Variants in DOT1L observed in about 807,000 individuals in gnomAD.
The protein encoded by DOT1L is histone-lysine N-methyltransferase, H3 lysine-79 specific.
In DOT1L, 33 loss-of-function variants were observed where a neutral mutation model predicts 153.3. That is an observed-to-expected ratio of 0.22 (90% CI 0.16 to 0.29). The LOEUF (loss-of-function observed/expected upper bound fraction) is 0.29. Among genes scored for constraint, DOT1L ranks in the 10% least tolerant of loss-of-function variants. The pLI, the probability that DOT1L is intolerant of heterozygous loss-of-function variation, is 1.00. For synonymous variants in DOT1L, 1,135 were observed against 965.1 expected (o/e 1.18, Z -3.26); for missense variants, 1,847 against 2,119.9 (o/e 0.87, Z 2.53).
At position 2,196,731 on chromosome 19, in the gene DOT1L, C is replaced by T. The variant is rs185863687; in HGVS notation, c.651+2154C>T. Among the ~76,000 whole-genome samples the T allele has an allele frequency of 8.1e-3, 1,240 of 152,272 alleles. 12 individuals carry two copies. The highest frequency in any genetic ancestry group is 0.01 in the Non-Finnish European group (695 of 68,014). ...GCCTTTCCTCTCCCTTTCCCGTACC[C>T]TCGTGCTGGCCGGCGCTGGCATTTC... On this transcript the variant is annotated intron_variant, in intron 7 of 27. Coordinates refer to ENST00000398665, the MANE Select transcript of DOT1L (RefSeq NM_032482.3).
At position 2,223,376 on chromosome 19, in the gene DOT1L, G is replaced by GC. The variant is rs2144912492; in HGVS notation, c.3492dup (p.Val1165ArgfsTer28). ...CTGTGCCCTACCAGGACCACGACCA[G>GC]CCCCCCGTGCTCAAGAAGGAGCGGC... On this transcript the variant is annotated frameshift_variant, in exon 25 of 28. Coordinates refer to ENST00000398665, the MANE Select transcript of DOT1L (RefSeq NM_032482.3). LOFTEE classifies it high-confidence loss of function. 4 of 1,613,696 alleles carry GC rather than the reference G, an allele frequency of 2.5e-6. No homozygotes were observed.
At chr19:2,209,558 C>T (rs1003883318) in intron 12 of DOT1L, among the ~76,000 whole-genome samples, 5 of 152,188 alleles carry the variant, frequency 3.3e-5, no homozygotes, top group South Asian at 2.1e-4. Context: ...GCTGCACCGT[C>T]GGAGGCAGGG....
At chr19:2,178,069 C>T (rs547128350) in intron 1 of DOT1L, among the ~76,000 whole-genome samples, 59 of 151,758 alleles carry the variant, frequency 3.9e-4, no homozygotes, top group African/African-American at 1.3e-3. Flanking sequence ...ATTACAGGCA[C>T]GCACCACCAT....
In DOT1L at chr19:2,232,084, G is replaced by A. The variant is rs1558118; in HGVS notation, c.*2292G>A. On this transcript the variant is annotated 3_prime_UTR_variant, in exon 28 of 28. Transcript: ENST00000398665. ...GTGGCAGGGTGGCTGTGGAGACTGG[G>A]GATCTGGAGCCTGGTGCTGGCACCT... The A allele has an allele frequency of 4.3e-4, 93 of 214,922 alleles. No homozygotes were observed. Among genetic ancestry groups the A allele is most frequent in the South Asian group, 1.5e-3 (8 of 5,392 alleles). The allele number at this position is 214,922 out of a possible 1,614,324, so 13.3% of individuals were successfully genotyped here.
intron 3 of DOT1L, among the ~76,000 whole-genome samples, chr19:2,188,761 TG>T (rs1568338829): frequency 6.6e-6 from 1 of 152,162 alleles, no homozygotes; most frequent in Admixed American, 6.5e-5. Context: ...ATTTTGCCAG[TG>T]GGTCCAACAG....
chr19:2,177,671 G>A (rs1436648251), intron 1 of DOT1L, among the ~76,000 whole-genome samples: 3 of 152,216 alleles, frequency 2.0e-5, no homozygotes, highest in African/African-American at 4.8e-5. Context: ...CACTTTGTCC[G>A]GGGCCTGCAA....
At chr19:2,223,250 A>AT (rs1568368750) in intron 24 of DOT1L, 31 bp from the exon 25 acceptor site, 2 of 1,610,432 alleles carry the variant, frequency 1.2e-6, no homozygotes, top group African/African-American at 2.7e-5. Flanking sequence ...GGTCTGTGGT[A>AT]TGTGCATCCA....
At chr19:2,180,884 G>A in intron 2 of DOT1L, 128 bp downstream of exon 2, 2 of 1,108,538 alleles carry the variant, frequency 1.8e-6, no homozygotes, top group Non-Finnish European at 2.6e-6. Context: ...TTGTGAAGCG[G>A]ATCAGGGGTG....
chr19:2,220,692 T>C lies in DOT1L; in HGVS notation c.2806+470T>C, dbSNP rs543789143. ...AGTTTCTGCAGAGAGCCAGAGAGGA[T>C]GCCACTTTGGCTTTTGTTGACACTG... is the stretch of plus-strand genomic sequence containing the variant. On this transcript the variant is annotated intron_variant, in intron 23 of 27. Coordinates refer to ENST00000398665, the MANE Select transcript of DOT1L (RefSeq NM_032482.3). The surrounding 1 kb of genome is among the most constrained non-coding windows in gnomAD (Gnocchi z 4.5). The C allele has an allele frequency of 1.8e-3, 656 of 365,350 alleles. 2 individuals carry two copies. Among genetic ancestry groups the C allele is most frequent in the Admixed American group, 3.5e-3 (100 of 28,322 alleles). 22.6% of individuals were successfully genotyped at this position (365,350 alleles called of 1,614,324 possible). A position where few individuals can be genotyped will look rare whatever the true frequency, so the allele number is the denominator to read the frequency against.
At chr19:2,187,688 C>T (rs1043042294) in intron 3 of DOT1L, among the ~76,000 whole-genome samples, 24 of 152,044 alleles carry the variant, frequency 1.6e-4, no homozygotes, top group Non-Finnish European at 2.9e-4. Context: ...TTTGGGAGGC[C>T]GAGGCGGATG....
At chr19:2,214,731 C>A in intron 19 of DOT1L, 135 bp downstream of exon 19, 1 of 1,320,840 alleles carries the variant, frequency 7.6e-7, no homozygotes, top group Non-Finnish European at 1.0e-6. Context: ...TGGGTGGAGG[C>A]TTATGGAACC....
chr19:2,214,042 G>A (rs1373020720), intron 18 of DOT1L, 56 bp downstream of exon 18: 9 of 1,574,310 alleles, frequency 5.7e-6, no homozygotes, highest in Admixed American at 3.7e-5. Context: ...CTGCCTGGGC[G>A]GGTGTGTCCT....
At chr19:2,214,165 C>CTGGTT in intron 18 of DOT1L, 179 bp downstream of exon 18, 1 of 1,130,142 alleles carries the variant, frequency 8.8e-7, no homozygotes, top group Non-Finnish European at 1.2e-6. Context: ...AGGCCTGGGC[C>CTGGTT]CCTCGGCTGG....
At chr19:2,170,109 G>A (rs2020069623) in intron 1 of DOT1L, among the ~76,000 whole-genome samples, 1 of 152,190 alleles carries the variant, frequency 6.6e-6, no homozygotes, top group Non-Finnish European at 1.5e-5. Flanking sequence ...ACTCCAGACT[G>A]GTCGACAGAG....
chr19:2,207,932 G>A lies in DOT1L; in HGVS notation c.963+252G>A, dbSNP rs552529763. Among the ~76,000 whole-genome samples, 2 of 151,990 alleles carry A rather than the reference G, an allele frequency of 1.3e-5. No homozygotes were observed. Among genetic ancestry groups the A allele is most frequent in the African/African-American group, 2.4e-5 (1 of 41,362 alleles). ...CTGAGTGCTGTCTCCCCTAGTCTAC[G>A]CTCAGCTCCTGGGGTGGGGCGGGGC... On this transcript the variant is annotated intron_variant, in intron 11 of 27. Transcript: ENST00000398665. The surrounding 1 kb of genome is among the most constrained non-coding windows in gnomAD (Gnocchi z 4.5).
intron 27 of DOT1L, chr19:2,228,429 T>G: frequency 8.1e-7 from 1 of 1,237,630 alleles, no homozygotes; most frequent in South Asian, 1.4e-5. Flanking sequence ...CACTGAACTG[T>G]CCTTCCTTTG....
intron 1 of DOT1L, among the ~76,000 whole-genome samples, chr19:2,180,041 T>C (rs1169911855): frequency 6.6e-6 from 1 of 152,066 alleles, no homozygotes; most frequent in Non-Finnish European, 1.5e-5. Context: ...GACATTGGCC[T>C]TGTAGAGGGA....
chr19:2,186,148 G>A (rs1027352603), intron 3 of DOT1L, among the ~76,000 whole-genome samples: 8 of 152,264 alleles, frequency 5.3e-5, no homozygotes, highest in South Asian at 2.1e-4. Context: ...TGGAAACTCC[G>A]GTTGTGGAAA....
chr19:2,226,160 C>T (rs2024320103), intron 26 of DOT1L, 23 bp from the exon 27 acceptor site: 3 of 1,507,338 alleles, frequency 2.0e-6, no homozygotes, highest in South Asian at 1.3e-5. Flanking sequence ...GGGCTCACGG[C>T]TTCTGCCTTT....
Sources: allele counts gnomAD v4.1 joint callset (sites outside exome capture counted in the v4.1 genomes callset), GRCh38; gene constraint gnomAD v4.1.1; non-coding constraint Gnocchi (gnomAD v3.1); transcripts MANE v1.5; gene names NCBI Gene and HGNC (gene_info 2026-07-23, HGNC 2026-07-21).